The following SRSF10 variants were observed in gnomAD, a reference collection of about 807,000 sequenced individuals.
The protein encoded by SRSF10 is serine and arginine rich splicing factor 10.
SRSF10 carries 9 observed loss-of-function variants against 32.6 expected under a neutral mutation model. The observed-to-expected ratio is 0.28, with a 90% CI of 0.17 to 0.48. The LOEUF (loss-of-function observed/expected upper bound fraction) is 0.48, where lower values mean the gene tolerates loss of function less well. Ranked by LOEUF, SRSF10 falls within the 20% of genes least tolerant of loss-of-function variation. SRSF10 has a pLI of 0.99. For missense variants in SRSF10, 201 were observed against 331.8 expected (o/e 0.61, Z 3.06); for synonymous variants, 105 against 112.4 (o/e 0.93, Z 0.42).
chr1:23,980,161 C>G, intron 1 of SRSF10, 30 bp downstream of exon 1: 1 of 1,531,620 alleles, frequency 6.5e-7, no homozygotes. Flanking sequence ...GCCTCCCCGC[C>G]TAGGCCCGGA....
rs1641658084 is a variant in SRSF10 at position 23,970,157 on chromosome 1, A to G, written c.*985T>C. 2 of 985,308 alleles carry G rather than the reference A, an allele frequency of 2.0e-6. No individual in the cohort carries two copies. Among genetic ancestry groups the G allele is most frequent in the East Asian group, 1.1e-4 (1 of 8,826 alleles). 61.0% of individuals were successfully genotyped at this position (985,308 alleles called of 1,614,324 possible). On this transcript the variant is annotated 3_prime_UTR_variant, in exon 6 of 6. Transcript: ENST00000492112. ...CTTTTTCCTTAAAATTATTTTTGCC[A>G]TCAACGACCTGCTCAAATTTTAAGG... is the stretch of plus-strand genomic sequence containing the variant.
intron 1 of SRSF10, 62 bp downstream of exon 1, chr1:23,980,129 G>A: frequency 2.0e-6 from 3 of 1,489,626 alleles, no homozygotes; most frequent in Middle Eastern, 2.2e-4. Flanking sequence ...GCCACCACCA[G>A]GGTCCTCTCC....
rs1456210610 is a variant in SRSF10 at position 23,970,560 on chromosome 1, C to T, written c.*582G>A. 12 of 597,490 alleles carry T rather than the reference C, an allele frequency of 2.0e-5. No homozygotes were observed. Among genetic ancestry groups the T allele is most frequent in the East Asian group, 1.4e-4 (1 of 7,002 alleles). 37.0% of individuals were successfully genotyped at this position (597,490 alleles called of 1,614,324 possible). On this transcript the variant is annotated 3_prime_UTR_variant, in exon 6 of 6. Coordinates refer to ENST00000492112, the MANE Select transcript of SRSF10 (RefSeq NM_054016.4). The stretch of plus-strand genomic sequence containing the variant: ...ATTTTTAGTAGAGACGGGGTTTCAC[C>T]GTGTTGGTCAGGCTGGTCTCGAACT...
chr1:23,974,412 CAA>C (rs68035572), intron 3 of SRSF10, among the ~76,000 whole-genome samples: 73,190 of 152,010 alleles, frequency 0.48, 17,909 homozygotes, highest in South Asian at 0.64. Context: ...AACCAACTTT[CAA>C]AAGAGTCCAC....
Position 23,971,137 on chromosome 1 carries a change from T to G in SRSF10, c.*5A>C, listed in dbSNP as rs1033970770. 1.6e-4 allele frequency: 252 copies of G among 1,597,552 alleles called. No individual in the cohort carries two copies. The highest frequency in any genetic ancestry group is 2.0e-4 in the Non-Finnish European group (233 of 1,174,154). On this transcript the variant is annotated 3_prime_UTR_variant, in exon 6 of 6. Transcript: ENST00000492112. ...CATGCCTAAAAATGACCATGGTTTA[T>G]ACTATCAGTGGCCACTGGACTTAGG...
chr1:23,977,306 A>G (rs1162720205), intron 2 of SRSF10: 1 of 152,204 alleles, frequency 6.6e-6, no homozygotes, highest in Non-Finnish European at 1.5e-5. Context: ...AAGGAACGGA[A>G]GTAAGGTCAC....
rs2148490676 is a variant in SRSF10, at chr1:23,965,300, G to T, written c.*5842C>A. The T allele has an allele frequency of 6.6e-6, 1 of 152,102 alleles. No individual in the cohort carries two copies. Among genetic ancestry groups the T allele is most frequent in the South Asian group, 2.1e-4 (1 of 4,830 alleles). The allele number at this position is 152,102 out of a possible 1,614,324, so 9.4% of individuals were successfully genotyped here. Reference sequence around the variant, plus strand: ...ACTTCAGAATATAATCTTAGGTTTTGTAAACAGGAACATGGTCAAAATGCA... The same window carrying T: ...ACTTCAGAATATAATCTTAGGTTTTTTAAACAGGAACATGGTCAAAATGCA... On this transcript the variant is annotated 3_prime_UTR_variant, in exon 6 of 6. Transcript: ENST00000492112.
chr1:23,968,956 CA>C lies in SRSF10; in HGVS notation c.*2185del, dbSNP rs2148495558. ...CCTTTCTGGCAAGTTCTATCATTTC[CA>C]AAGTAAAAGTTAGTTGTGCCTAGTG... is the stretch of plus-strand genomic sequence containing the variant. On this transcript the variant is annotated 3_prime_UTR_variant, in exon 6 of 6. Transcript: ENST00000492112. The C allele has an allele frequency of 3.2e-6, 1 of 314,494 alleles. No individual in the cohort carries two copies. Among genetic ancestry groups the C allele is most frequent in the South Asian group, 1.3e-4 (1 of 7,960 alleles). 19.5% of individuals were successfully genotyped at this position (314,494 alleles called of 1,614,324 possible). A position where few individuals can be genotyped will look rare whatever the true frequency, so the allele number is the denominator to read the frequency against.
rs1024477558 is a variant in SRSF10, at chr1:23,972,146, C to T, written c.275-134G>A. The T allele has an allele frequency of 1.1e-4, 78 of 690,208 alleles. No individual in the cohort carries two copies. In the African/African-American group the frequency reaches 1.4e-3, roughly 12 times the overall value. 42.8% of individuals were successfully genotyped at this position (690,208 alleles called of 1,614,324 possible). A position where few individuals can be genotyped will look rare whatever the true frequency, so the allele number is the denominator to read the frequency against. On this transcript the variant is annotated intron_variant, in intron 3 of 5. Coordinates refer to ENST00000492112, the MANE Select transcript of SRSF10 (RefSeq NM_054016.4). ...TATGTATGACCCGGGTGGTGGCTCA[C>T]ACCTGTGATCCCACTACTTTGGGAG...
rs2148507148 is a variant in SRSF10, at chr1:23,974,980, G to T, written c.268C>A (p.Arg90=). 1 of 1,611,474 alleles carries T rather than the reference G, an allele frequency of 6.2e-7. No individual in the cohort carries two copies. Among genetic ancestry groups the T allele is most frequent in the Non-Finnish European group, 8.5e-7 (1 of 1,177,960 alleles). The change falls in exon 3 of 6, where the codon CGA becomes AGA. Residue 90 remains arginine (R), a synonymous_variant. Transcript: ENST00000492112. ...QIEIQFAQGD[R]KTPNQMKAKE... is the part of the protein sequence containing the mutation. ...CAGGCATAAGGGTACTTACTCTTTC[G>T]ATCCCCCTGGGCAAACTGTATTTCA...
At chr1:23,979,219 T>G (rs1038562925) in intron 1 of SRSF10, among the ~76,000 whole-genome samples, 19 of 152,220 alleles carry the variant, frequency 1.2e-4, no homozygotes, top group East Asian at 7.7e-4. Flanking sequence ...TCTTAAATAG[T>G]TAAGTGTCAA....
At chr1:23,978,541 G>T in intron 2 of SRSF10, 172 bp downstream of exon 2, 1 of 859,154 alleles carries the variant, frequency 1.2e-6, no homozygotes, top group Non-Finnish European at 1.6e-6. Context: ...ACCATTTTTG[G>T]ATTAACTTTA....
rs1413739977 is a variant in SRSF10, at chr1:23,967,422, A to G, written c.*3720T>C. 1.4e-5 allele frequency: 6 copies of G among 441,584 alleles called. No individual in the cohort carries two copies. Among genetic ancestry groups the G allele is most frequent in the Non-Finnish European group, 2.5e-5 (6 of 244,816 alleles). The allele number at this position is 441,584 out of a possible 1,614,324, so 27.4% of individuals were successfully genotyped here. A position where few individuals can be genotyped will look rare whatever the true frequency, so the allele number is the denominator to read the frequency against. On this transcript the variant is annotated 3_prime_UTR_variant, in exon 6 of 6. Transcript: ENST00000492112. ...TTATGGACCTGTTACCCATGAATCA[A>G]TATAAACCTATTCATATTTAGGGAT...
At position 23,970,701 on chromosome 1, in the gene SRSF10, C is replaced by A; in HGVS notation, c.*441G>T. The A allele has an allele frequency of 1.0e-6, 1 of 989,510 alleles. No individual in the cohort carries two copies. The highest frequency in any genetic ancestry group is 1.2e-6 in the Non-Finnish European group (1 of 832,840). The allele number at this position is 989,510 out of a possible 1,614,324, so 61.3% of individuals were successfully genotyped here. ...CAAGACATAAAGGTCCACCCTGAAC[C>A]TAAATGTGTCTGAGCAGTCAGTGTT... is the stretch of plus-strand genomic sequence containing the variant. On this transcript the variant is annotated 3_prime_UTR_variant, in exon 6 of 6. Coordinates refer to ENST00000492112, the MANE Select transcript of SRSF10 (RefSeq NM_054016.4).
Position 23,980,276 on chromosome 1 carries a change from G to T in SRSF10, c.-21C>A. ...GACATGGCGGCGGCGTGTCTCGGCC[G>T]GGCGCACTAACGGGCTCAGCAAACC... On this transcript the variant is annotated 5_prime_UTR_variant, in exon 1 of 6. Coordinates refer to ENST00000492112, the MANE Select transcript of SRSF10 (RefSeq NM_054016.4). 1 of 1,472,414 alleles carries T rather than the reference G, an allele frequency of 6.8e-7. No individual in the cohort carries two copies. The highest frequency in any genetic ancestry group is 9.0e-7 in the Non-Finnish European group (1 of 1,106,916). 91.2% of individuals were successfully genotyped at this position (1,472,414 alleles called of 1,614,324 possible).
chr1:23,970,852 GGTCA>G lies in SRSF10; in HGVS notation c.*286_*289del. 1 of 1,147,790 alleles carries G rather than the reference GGTCA, an allele frequency of 8.7e-7. No homozygotes were observed. Among genetic ancestry groups the G allele is most frequent in the South Asian group, 3.5e-5 (1 of 28,626 alleles). The allele number at this position is 1,147,790 out of a possible 1,614,324, so 71.1% of individuals were successfully genotyped here. On this transcript the variant is annotated 3_prime_UTR_variant, in exon 6 of 6. Transcript: ENST00000492112. The stretch of plus-strand genomic sequence containing the variant: ...TTAATGAGACAATGTTGCAAATTAT[GGTCA>G]ACCAACATCTTTTCACCAAATACTT...
intron 2 of SRSF10, chr1:23,977,480 A>G (rs1642161927): frequency 6.6e-6 from 1 of 152,208 alleles, no homozygotes; most frequent in South Asian, 2.1e-4. Flanking sequence ...AAGGGTTTAT[A>G]TGTGTCCCCA....
Position 23,970,046 on chromosome 1 carries a change from T to C in SRSF10, c.*1096A>G. The C allele has an allele frequency of 1.0e-6, 1 of 985,346 alleles. No homozygotes were observed. The highest frequency in any genetic ancestry group is 1.2e-6 in the Non-Finnish European group (1 of 829,820). The allele number at this position is 985,346 out of a possible 1,614,324, so 61.0% of individuals were successfully genotyped here. On this transcript the variant is annotated 3_prime_UTR_variant, in exon 6 of 6. Coordinates refer to ENST00000492112, the MANE Select transcript of SRSF10 (RefSeq NM_054016.4). ...ACACAAAACCTACTTTGAAACAATT[T>C]ACTTACTTAACAGCAGTAAGAAAAC... is the stretch of plus-strand genomic sequence containing the variant.
chr1:23,971,069 C>T lies in SRSF10; in HGVS notation c.*73G>A. 1 of 1,520,544 alleles carries T rather than the reference C, an allele frequency of 6.6e-7. No individual in the cohort carries two copies. The highest frequency in any genetic ancestry group is 2.3e-5 in the East Asian group (1 of 44,022). The allele number at this position is 1,520,544 out of a possible 1,614,324, so 94.2% of individuals were successfully genotyped here. A position where few individuals can be genotyped will look rare whatever the true frequency, so the allele number is the denominator to read the frequency against. On this transcript the variant is annotated 3_prime_UTR_variant, in exon 6 of 6. Coordinates refer to ENST00000492112, the MANE Select transcript of SRSF10 (RefSeq NM_054016.4). ...TTAAGCATCATTGCAACATTGTATT[C>T]CTGATAATTTAAGTAAACCAAACTA... is the stretch of plus-strand genomic sequence containing the variant.
Sources: allele counts gnomAD v4.1 joint callset (sites outside exome capture counted in the v4.1 genomes callset), GRCh38; gene constraint gnomAD v4.1.1; transcripts MANE v1.5; gene names NCBI Gene and HGNC (gene_info 2026-07-23, HGNC 2026-07-21).